The following SLC45A4 variants were observed in gnomAD, a reference collection of about 807,000 sequenced individuals.
SLC45A4 encodes solute carrier family 45 member 4.
Under a neutral mutation model 63.7 loss-of-function variants are expected in SLC45A4, and 32 were observed. The ratio of observed to expected loss-of-function variants is 0.50; its 90% CI spans 0.38 to 0.67. The LOEUF is 0.67. SLC45A4 is among the 30% of genes least tolerant of loss of function. The pLI, the probability that SLC45A4 is intolerant of heterozygous loss-of-function variation, is 0.00. For synonymous variants in SLC45A4, 535 were observed against 510.0 expected (o/e 1.05, Z -0.66); for missense variants, 1,027 against 1,157.7 (o/e 0.89, Z 1.64).
intron 3 of SLC45A4, 130 bp downstream of exon 3, chr8:141,221,447 G>A (rs911993560): frequency 4.4e-5 from 54 of 1,218,702 alleles, no homozygotes; most frequent in Admixed American, 8.2e-5. Flanking sequence ...GGGTGGCCCC[G>A]GCAGCCCAGC....
At chr8:141,262,058 T>C (rs1234242572) in intron 1 of SLC45A4, among the ~76,000 whole-genome samples, 1 of 152,050 alleles carries the variant, frequency 6.6e-6, no homozygotes, top group Non-Finnish European at 1.5e-5. Context: ...TCAGAAACAA[T>C]GCCACATATC....
At position 141,212,372 on chromosome 8, in the gene SLC45A4, G is replaced by A. The variant is rs762374636; in HGVS notation, c.2126C>T (p.Thr709Met). 19 of 1,613,668 alleles carry A rather than the reference G, an allele frequency of 1.2e-5. No individual in the cohort carries two copies. Among genetic ancestry groups the A allele is most frequent in the Admixed American group, 1.7e-5 (1 of 60,028 alleles). Residue 709 changes from threonine to methionine, a missense_variant, in exon 8 of 9, where the codon ACG becomes ATG. Transcript: ENST00000517878. ...ASVGSFLGFL[T>M]ATFLVIYPNV... ...GGGATAGATCACCAGGAATGTGGCC[G>A]TCAGGAAGCCCAGGAAAGAGCCCAC...
At chr8:141,260,512 T>G (rs2154614784) in intron 1 of SLC45A4, among the ~76,000 whole-genome samples, 1 of 152,364 alleles carries the variant, frequency 6.6e-6, no homozygotes, top group Non-Finnish European at 1.5e-5. Flanking sequence ...TGCCACCTGG[T>G]GCAGCTGCTG....
chr8:141,248,551 C>CA (rs1368013586), intron 2 of SLC45A4, among the ~76,000 whole-genome samples: 3 of 152,030 alleles, frequency 2.0e-5, no homozygotes, highest in African/African-American at 7.2e-5. Context: ...GCCTGGGAAA[C>CA]AGAGTCCCTG....
rs529833442 is a variant in SLC45A4, at chr8:141,257,929, T to A, written c.-400-3300A>T. On this transcript the variant is annotated intron_variant, in intron 1 of 8. Coordinates refer to ENST00000517878, the MANE Select transcript of SLC45A4 (RefSeq NM_001286646.2). ...TCTTTAAAAATGCTTCACCCCTTGA[T>A]TATTCCATTCCGAGTCCACCGACAA... Among the ~76,000 whole-genome samples the A allele has an allele frequency of 3.9e-5, 6 of 152,312 alleles. No individual in the cohort carries two copies. In the East Asian group the frequency reaches 1.2e-3, roughly 29 times the overall value.
chr8:141,260,302 A>G lies in SLC45A4; in HGVS notation c.-400-5673T>C, dbSNP rs145302813. On this transcript the variant is annotated intron_variant, in intron 1 of 8. Transcript: ENST00000517878. ...TTATCAACCTAGGGTGTTAACACCA[A>G]TGCAAGCTTCCGAGCTTCTAAGAGC... Among the ~76,000 whole-genome samples, 11 of 152,382 alleles carry G rather than the reference A, an allele frequency of 7.2e-5. No homozygotes were observed. The East Asian group carries it at 2.1e-3, about 29-fold the overall frequency.
intron 2 of SLC45A4, among the ~76,000 whole-genome samples, chr8:141,238,422 C>T (rs1336711113): frequency 1.3e-5 from 2 of 152,192 alleles, no homozygotes; most frequent in Admixed American, 6.5e-5. Flanking sequence ...CACCCCAGAG[C>T]GACGCCATCT....
chr8:141,261,220 G>A (rs1284002358), intron 1 of SLC45A4, among the ~76,000 whole-genome samples: 1 of 152,190 alleles, frequency 6.6e-6, no homozygotes, highest in Non-Finnish European at 1.5e-5. Flanking sequence ...TTGATGGGAC[G>A]TATCTCAAAA....
intron 2 of SLC45A4, chr8:141,226,534 C>G (rs916395538): frequency 6.6e-6 from 1 of 152,334 alleles, no homozygotes; most frequent in East Asian, 1.9e-4. Context: ...AATCCAGAAT[C>G]TGGCCAGAGC....
chr8:141,211,885 C>T (rs1825839833), intron 8 of SLC45A4, 188 bp from the exon 9 acceptor site: 7 of 1,252,006 alleles, frequency 5.6e-6, no homozygotes, highest in Middle Eastern at 3.0e-4. Context: ...TAAAAACATG[C>T]AGAATAATAC....
At chr8:141,281,571 T>C (rs1829947755) in intron 1 of SLC45A4, among the ~76,000 whole-genome samples, 1 of 152,208 alleles carries the variant, frequency 6.6e-6, no homozygotes, top group African/African-American at 2.4e-5. Context: ...GACAAGGTAC[T>C]GTCAACTAAG....
intron 2 of SLC45A4, among the ~76,000 whole-genome samples, chr8:141,236,843 G>C (rs1335613032): frequency 2.6e-5 from 4 of 152,202 alleles, no homozygotes; most frequent in Non-Finnish European, 5.9e-5. Context: ...CCACTGGGCG[G>C]TGCCCAGTGG....
chr8:141,218,237 T>TGCTGCC lies in SLC45A4; in HGVS notation c.1397_1402dup (p.Arg466_Gln467dup), dbSNP rs772943334. The TGCTGCC allele has an allele frequency of 1.2e-6, 2 of 1,601,816 alleles. No individual in the cohort carries two copies. Among genetic ancestry groups the TGCTGCC allele is most frequent in the South Asian group, 1.1e-5 (1 of 91,042 alleles). Reference sequence around the variant, plus strand: ...GGCCCCGCTCTGGTTCCGGTGCCGGTGCTGCCGCTGCCGCTTCTGCATGTC... The same window carrying TGCTGCC: ...GGCCCCGCTCTGGTTCCGGTGCCGGTGCTGCCGCTGCCGCTGCCGCTTCTGCATGTC... On this transcript the variant is annotated inframe_insertion, in exon 5 of 9. Coordinates refer to ENST00000517878, the MANE Select transcript of SLC45A4 (RefSeq NM_001286646.2).
chr8:141,271,246 G>A (rs1202894349), intron 1 of SLC45A4, among the ~76,000 whole-genome samples: 1 of 152,196 alleles, frequency 6.6e-6, no homozygotes, highest in Non-Finnish European at 1.5e-5. Context: ...GAAGTCACAG[G>A]CCAACTGTAG....
intron 1 of SLC45A4, among the ~76,000 whole-genome samples, chr8:141,266,165 C>T (rs546342639): frequency 4.1e-4 from 62 of 152,336 alleles, no homozygotes; most frequent in South Asian, 1.5e-3. Context: ...TCCTGGGAAG[C>T]GGTCTAGCGA....
chr8:141,296,271 C>T (rs1332737095), intron 1 of SLC45A4, among the ~76,000 whole-genome samples: 1 of 151,728 alleles, frequency 6.6e-6, no homozygotes, highest in East Asian at 2.0e-4. Flanking sequence ...GCAGAGGTTG[C>T]AGTGAGTTGA....
At chr8:141,234,879 G>C (rs138813273) in intron 2 of SLC45A4, among the ~76,000 whole-genome samples, 2 of 152,334 alleles carry the variant, frequency 1.3e-5, no homozygotes, top group African/African-American at 2.4e-5. Flanking sequence ...GTCACTGTGA[G>C]CTTTTGCTCC....
chr8:141,251,564 G>C (rs977400582), intron 2 of SLC45A4, among the ~76,000 whole-genome samples: 3 of 151,954 alleles, frequency 2.0e-5, no homozygotes, highest in South Asian at 2.1e-4. Context: ...ATCACACACA[G>C]AGGAGAGAAC....
At chr8:141,240,939 G>A (rs9644451) in intron 2 of SLC45A4, among the ~76,000 whole-genome samples, 19,948 of 152,218 alleles carry the variant, frequency 0.13, 1,641 homozygotes, top group East Asian at 0.28. Flanking sequence ...GCTGGGGGCA[G>A]CCGCCCGGAT....
Sources: gnomAD v4.1 joint callset for allele counts (sites outside exome capture counted in the v4.1 genomes callset) on GRCh38, gnomAD v4.1.1 for gene constraint, MANE v1.5 for transcripts, NCBI Gene and HGNC (gene_info 2026-07-23, HGNC 2026-07-21) for gene names.